The following TP63 variants were observed in gnomAD, a reference collection of about 807,000 sequenced individuals.
TP63 encodes tumor protein 63.
In TP63, 17 loss-of-function variants were observed where a neutral mutation model predicts 82.8. The observed-to-expected ratio is 0.21, with a 90% CI of 0.14 to 0.31. The LOEUF is 0.31. Ranked by LOEUF, TP63 falls within the 10% of genes least tolerant of loss-of-function variation. The probability of loss-of-function intolerance (pLI) is 1.00; values close to 1 mark genes in which losing one functional copy is unlikely to be tolerated. For synonymous variants in TP63, 330 were observed against 321.7 expected, an observed-to-expected ratio of 1.03 and a Z score of -0.28; for missense variants, 648 against 895.3, an observed-to-expected ratio of 0.72 and a Z score of 3.52.
intron 7 of TP63, 143 bp downstream of exon 7, chr3:189,868,085 T>C (rs1159081904): frequency 3.9e-6 from 3 of 759,918 alleles, no homozygotes; most frequent in African/African-American, 1.7e-5. Flanking sequence ...TACAAACGGT[T>C]ACATAAAAGA....
At chr3:189,781,032 C>T (rs571811583) in intron 3 of TP63, among the ~76,000 whole-genome samples, 17 of 152,076 alleles carry the variant, frequency 1.1e-4, no homozygotes, top group African/African-American at 3.1e-4. Flanking sequence ...AGAGAAAATC[C>T]GAGAACGTCA....
chr3:189,748,535 G>T (rs1248838454), intron 3 of TP63, among the ~76,000 whole-genome samples: 2 of 123,638 alleles, frequency 1.6e-5, no homozygotes, highest in Admixed American at 7.8e-5. Flanking sequence ...AAAAAAAAAG[G>T]CGGGGGACAG....
chr3:189,752,446 T>G (rs1721892178), intron 3 of TP63, among the ~76,000 whole-genome samples: 1 of 152,264 alleles, frequency 6.6e-6, no homozygotes, highest in African/African-American at 2.4e-5. Flanking sequence ...CTCCCAAATT[T>G]CTAAGATTAC....
chr3:189,829,597 G>A (rs1013487744), intron 4 of TP63, among the ~76,000 whole-genome samples: 1 of 152,172 alleles, frequency 6.6e-6, no homozygotes, highest in Non-Finnish European at 1.5e-5. Context: ...ACTAAGGAAT[G>A]GGCAGAGACT....
intron 1 of TP63, among the ~76,000 whole-genome samples, chr3:189,674,943 A>G (rs1010718069): frequency 1.3e-5 from 2 of 152,152 alleles, no homozygotes; most frequent in Non-Finnish European, 2.9e-5. Context: ...CAGCATTGAC[A>G]AAATCATGTA....
At position 189,808,421 on chromosome 3, in the gene TP63, T is replaced by A. The variant is rs767663006; in HGVS notation, c.474T>A (p.Ala158=). 2 of 1,614,052 alleles carry A rather than the reference T, an allele frequency of 1.2e-6. No homozygotes were observed. Among genetic ancestry groups the A allele is most frequent in the Non-Finnish European group, 1.7e-6 (2 of 1,180,008 alleles). ...CACAGCCCAGCTCCACCTTCGATGC[T>A]CTCTCTCCATCACCCGCCATCCCCT... ...PYAQPSSTFD[A]LSPSPAIPSN... The change falls in exon 4 of 14, where the codon GCT becomes GCA. Residue 158 remains alanine (A), a synonymous_variant. Coordinates refer to ENST00000264731, the MANE Select transcript of TP63 (RefSeq NM_003722.5).
At chr3:189,700,868 A>G (rs1717749276) in intron 1 of TP63, among the ~76,000 whole-genome samples, 1 of 152,188 alleles carries the variant, frequency 6.6e-6, no homozygotes, top group African/African-American at 2.4e-5. Context: ...GGTAATAATC[A>G]CAACATACCA....
chr3:189,809,741 G>A (rs574338891), intron 4 of TP63, among the ~76,000 whole-genome samples: 7 of 152,132 alleles, frequency 4.6e-5, no homozygotes, highest in Non-Finnish European at 8.8e-5. Flanking sequence ...TAAAATGATC[G>A]GCATGCCTAA....
At chr3:189,732,083 T>C (rs1228649340) in intron 1 of TP63, among the ~76,000 whole-genome samples, 1 of 152,244 alleles carries the variant, frequency 6.6e-6, no homozygotes, top group African/African-American at 2.4e-5. Flanking sequence ...TGGACTTTTG[T>C]TCAGAACCCT....
intron 4 of TP63, among the ~76,000 whole-genome samples, chr3:189,842,559 G>A (rs1479020144): frequency 1.3e-5 from 2 of 152,168 alleles, no homozygotes; most frequent in Non-Finnish European, 2.9e-5. Flanking sequence ...CTGTATTGCT[G>A]AGGAATGTCC....
At chr3:189,725,433 G>C (rs75248456) in intron 1 of TP63, among the ~76,000 whole-genome samples, 5,134 of 152,212 alleles carry the variant, frequency 0.034, 95 homozygotes, top group Middle Eastern at 0.058. Flanking sequence ...TGAATGGCAA[G>C]ATGACTAATT....
intron 4 of TP63, among the ~76,000 whole-genome samples, chr3:189,853,753 T>C (rs1427613234): frequency 1.3e-5 from 2 of 152,216 alleles, no homozygotes; most frequent in Admixed American, 6.5e-5. Context: ...GGGCATAGAC[T>C]TTGTCTTTGT....
intron 4 of TP63, among the ~76,000 whole-genome samples, chr3:189,817,715 T>G (rs1321166583): frequency 6.6e-6 from 1 of 152,056 alleles, no homozygotes; most frequent in Non-Finnish European, 1.5e-5. Flanking sequence ...GACATTCATA[T>G]GGGATGAAAA....
chr3:189,801,641 A>G (rs1186920487), intron 3 of TP63, among the ~76,000 whole-genome samples: 3 of 152,090 alleles, frequency 2.0e-5, no homozygotes, highest in African/African-American at 7.2e-5. Flanking sequence ...ATGTTTGTTG[A>G]CATTGTTGTC....
intron 3 of TP63, among the ~76,000 whole-genome samples, chr3:189,749,501 T>G (rs1379971765): frequency 6.6e-6 from 1 of 152,138 alleles, no homozygotes; most frequent in Non-Finnish European, 1.5e-5. Flanking sequence ...TATCATCTTA[T>G]GCCAGTTAGT....
At chr3:189,842,241 C>G (rs569787497) in intron 4 of TP63, among the ~76,000 whole-genome samples, 1 of 151,648 alleles carries the variant, frequency 6.6e-6, no homozygotes, top group Non-Finnish European at 1.5e-5. Flanking sequence ...AGAGAGAGAG[C>G]GCGTGTATGT....
At position 189,890,797 on chromosome 3, in the gene TP63, C is replaced by T. The variant is rs747808524; in HGVS notation, c.1661C>T (p.Ala554Val). The T allele has an allele frequency of 5.9e-5, 95 of 1,613,880 alleles. No individual in the cohort carries two copies. The highest frequency in any genetic ancestry group is 7.8e-5 in the Non-Finnish European group (92 of 1,179,948). Residue 554 changes from alanine to valine, a missense_variant, in exon 13 of 14, where the codon GCG becomes GTG. Physicochemically the swap from Ala to Val is moderately conservative, Grantham distance 64. This residue lies in a region of TP63 where 342 missense variants were observed against 425.7 expected (regional missense o/e 0.80). Coordinates refer to ENST00000264731, the MANE Select transcript of TP63 (RefSeq NM_003722.5). ...CCCTCCTCCCTCTGCAGTTTCTTAG[C>T]GAGGTTGGGCTGTTCATCATGTCTG... ...PTDCSIVSFL[A>V]RLGCSSCLDY... is the part of the protein sequence containing the mutation.
chr3:189,642,315 A>G (rs1283183067), intron 1 of TP63, among the ~76,000 whole-genome samples: 1 of 152,190 alleles, frequency 6.6e-6, no homozygotes, highest in Non-Finnish European at 1.5e-5. Context: ...TGAGATATGA[A>G]CAGCGAAATA....
At chr3:189,840,781 C>T (rs1004051080) in intron 4 of TP63, among the ~76,000 whole-genome samples, 2 of 142,548 alleles carry the variant, frequency 1.4e-5, no homozygotes, top group Non-Finnish European at 3.0e-5. Context: ...TGCTTGAACC[C>T]GGGAGGCAGA....
Sources: allele counts gnomAD v4.1 joint callset (sites outside exome capture counted in the v4.1 genomes callset), GRCh38; gene constraint gnomAD v4.1.1; regional missense constraint gnomAD v4.1.1; transcripts MANE v1.5; gene names NCBI Gene and HGNC (gene_info 2026-07-23, HGNC 2026-07-21).